CTSB: variants seen among roughly 807,000 people sequenced by gnomAD.
The protein encoded by CTSB is APP secretase.
A neutral mutation model predicts 44.3 loss-of-function variants in CTSB; 57 were observed. That is an observed-to-expected ratio of 1.29 (90% CI 1.04 to 1.60). CTSB has a LOEUF of 1.60. CTSB is among the 40% of genes most tolerant of loss of function. CTSB has a pLI of 0.00. For synonymous variants in CTSB, 320 were observed against 168.0 expected (o/e 1.91, Z -7.00); for missense variants, 768 against 443.0 (o/e 1.73, Z -6.59).
chr8:11,848,996 C>A (rs765041485), intron 5 of CTSB, 50 bp downstream of exon 5: 1 of 1,384,554 alleles, frequency 7.2e-7, no homozygotes, highest in Admixed American at 1.7e-5. Context: ...GAAGCTGGGG[C>A]CCAGGGTCTC....
chr8:11,864,869 T>C (rs2150457827), intron 1 of CTSB, among the ~76,000 whole-genome samples: 1 of 150,780 alleles, frequency 6.6e-6, no homozygotes, highest in African/African-American at 2.4e-5. Flanking sequence ...GCTGAGATTG[T>C]GCCACGGCAT....
intron 4 of CTSB, chr8:11,849,393 A>G (rs1040598761): frequency 8.1e-6 from 3 of 370,666 alleles, no homozygotes; most frequent in East Asian, 1.0e-4. Context: ...TGATTTGCCC[A>G]CCTTGGCCTC....
chr8:11,859,555 G>A (rs1349419627), intron 1 of CTSB, among the ~76,000 whole-genome samples: 1 of 151,940 alleles, frequency 6.6e-6, no homozygotes, highest in East Asian at 1.9e-4. Context: ...GAGGTCAGGA[G>A]TTCGAGACCA....
chr8:11,842,744 C>T lies in CTSB; in HGVS notation c.*2381G>A, dbSNP rs1044871296. On this transcript the variant is annotated 3_prime_UTR_variant, in exon 10 of 10. Transcript: ENST00000353047. ...CTCTGCCTCCCAGGTTCAAGCGATT[C>T]TCGTACCTCAGCCTCCCGAGTAGCT... The T allele has an allele frequency of 6.6e-6, 1 of 151,782 alleles. No homozygotes were observed. The highest frequency in any genetic ancestry group is 1.5e-5 in the Non-Finnish European group (1 of 68,076). 9.4% of individuals were successfully genotyped at this position (151,782 alleles called of 1,614,324 possible).
chr8:11,856,445 A>G (rs561863090), intron 1 of CTSB, among the ~76,000 whole-genome samples: 1 of 151,844 alleles, frequency 6.6e-6, no homozygotes, highest in South Asian at 2.1e-4. Context: ...GAAACCCTGT[A>G]TCTACTAAAT....
chr8:11,852,279 G>A lies in CTSB; in HGVS notation c.212+331C>T, dbSNP rs541816328. Among the ~76,000 whole-genome samples, 3 of 152,296 alleles carry A rather than the reference G, an allele frequency of 2.0e-5. No individual in the cohort carries two copies. In the South Asian group the frequency reaches 6.2e-4, roughly 32 times the overall value. On this transcript the variant is annotated intron_variant, in intron 3 of 9. Coordinates refer to ENST00000353047, the MANE Select transcript of CTSB (RefSeq NM_001908.5). ...CCAGCTACTCAGGAGGCTGTGGCAT[G>A]AGAATCGCTTGAACCCGGGAGACAG...
intron 5 of CTSB, chr8:11,848,759 C>T (rs532610385): frequency 4.5e-5 from 15 of 335,048 alleles, no homozygotes; most frequent in South Asian, 9.2e-5. Context: ...AAGGAACATG[C>T]GATGACACAA....
intron 7 of CTSB, 132 bp downstream of exon 7, chr8:11,847,547 C>T: frequency 3.0e-6 from 3 of 998,054 alleles, no homozygotes; most frequent in Non-Finnish European, 4.3e-6. Context: ...GAGGGCATCA[C>T]TCCCCCTCCT....
At chr8:11,852,227 C>A (rs572504131) in intron 3 of CTSB, among the ~76,000 whole-genome samples, 1 of 152,060 alleles carries the variant, frequency 6.6e-6, no homozygotes, top group Non-Finnish European at 1.5e-5. Flanking sequence ...AAATATTAGC[C>A]GTGCACGGTG....
Position 11,845,063 on chromosome 8 carries a change from G to T in CTSB, c.*62C>A. On this transcript the variant is annotated 3_prime_UTR_variant, in exon 10 of 10. Transcript: ENST00000353047. ...AACTTGTATCTTACGTGAACTTAAA[G>T]AATAAAATGCATTTCTACCCCGATC... The T allele has an allele frequency of 8.9e-7, 1 of 1,122,368 alleles. No individual in the cohort carries two copies. Among genetic ancestry groups the T allele is most frequent in the Non-Finnish European group, 1.4e-6 (1 of 737,366 alleles). The allele number at this position is 1,122,368 out of a possible 1,614,324, so 69.5% of individuals were successfully genotyped here. A position where few individuals can be genotyped will look rare whatever the true frequency, so the allele number is the denominator to read the frequency against.
chr8:11,853,877 G>C (rs963301197), intron 1 of CTSB: 2 of 157,176 alleles, frequency 1.3e-5, no homozygotes, highest in African/African-American at 4.8e-5. Context: ...CCAGGGGACA[G>C]GGAAATGTAA....
Position 11,844,420 on chromosome 8 carries a change from T to A in CTSB, c.*705A>T, listed in dbSNP as rs1279710610. The A allele has an allele frequency of 6.6e-6, 1 of 152,216 alleles. No homozygotes were observed. The highest frequency in any genetic ancestry group is 1.5e-5 in the Non-Finnish European group (1 of 68,040). 9.4% of individuals were successfully genotyped at this position (152,216 alleles called of 1,614,324 possible). ...CAGTAAAAGCTGGTTTCTCCTAAACTATTTTCCTTGTGGTAGTAGAGATCA... is the reference window on the plus strand; with the variant it reads ...CAGTAAAAGCTGGTTTCTCCTAAACAATTTTCCTTGTGGTAGTAGAGATCA... On this transcript the variant is annotated 3_prime_UTR_variant, in exon 10 of 10. Transcript: ENST00000353047.
Position 11,853,405 on chromosome 8 carries a change from G to T in CTSB, c.50C>A (p.Ala17Asp). The T allele has an allele frequency of 6.2e-7, 1 of 1,612,808 alleles. No homozygotes were observed. The highest frequency in any genetic ancestry group is 8.5e-7 in the Non-Finnish European group (1 of 1,179,818). The change falls in exon 2 of 10, where the codon GCC becomes GAC. Residue 17 changes from alanine to aspartate, a missense_variant. Physicochemically the swap from Ala to Asp is moderately radical, Grantham distance 126 (BLOSUM62 -2). Coordinates refer to ENST00000353047, the MANE Select transcript of CTSB (RefSeq NM_001908.5). ...GGGATGGAAAGAGGGCCTGCTCCGGGCATTGGCCAACACCAGCAGGCAGCA... is the reference window on the plus strand; with the variant it reads ...GGGATGGAAAGAGGGCCTGCTCCGGTCATTGGCCAACACCAGCAGGCAGCA... ...SLCCLLVLANARSRPSFHPLS... is the reference protein window; with the variant it reads ...SLCCLLVLANDRSRPSFHPLS...
At chr8:11,857,865 C>G (rs1815759395) in intron 1 of CTSB, 1 of 152,616 alleles carries the variant, frequency 6.6e-6, no homozygotes, top group Middle Eastern at 3.3e-3. Context: ...CACCTTGGCC[C>G]AGGGCTGTGG....
intron 9 of CTSB, 71 bp from the exon 10 acceptor site, chr8:11,845,293 A>G (rs926739946): frequency 1.7e-6 from 2 of 1,182,264 alleles, no homozygotes; most frequent in Non-Finnish European, 1.2e-6. Context: ...TCATCCTTAA[A>G]AGACCTTAAG....
chr8:11,847,612 G>A (rs1157980843), intron 7 of CTSB, 67 bp downstream of exon 7: 2 of 1,481,776 alleles, frequency 1.3e-6, no homozygotes, highest in African/African-American at 2.8e-5. Flanking sequence ...CTTCGCTGCA[G>A]CGTGAGGAGG....
At chr8:11,866,080 C>G (rs1223242194) in intron 1 of CTSB, among the ~76,000 whole-genome samples, 1 of 151,752 alleles carries the variant, frequency 6.6e-6, no homozygotes, top group Non-Finnish European at 1.5e-5. Flanking sequence ...GACAGACATC[C>G]CAAGGCACCC....
At position 11,847,165 on chromosome 8, in the gene CTSB, T is replaced by A. The variant is rs766752431; in HGVS notation, c.680A>T (p.Tyr227Phe). ...PTYKQDKHYGYNSYSVSNSEK... is the reference protein window; with the variant it reads ...PTYKQDKHYGFNSYSVSNSEK... ...GCTATTGGAGACGCTGTAGGAATTG[T>A]ATCCTGGAAAATGAACCGAGCTCGG... is the stretch of plus-strand genomic sequence containing the variant. Residue 227 changes from tyrosine to phenylalanine, a missense_variant, in exon 8 of 10, where the codon TAC (tyrosine) becomes TTC (phenylalanine). Transcript: ENST00000353047. The A allele has an allele frequency of 6.2e-7, 1 of 1,604,242 alleles. No individual in the cohort carries two copies. The highest frequency in any genetic ancestry group is 1.3e-5 in the African/African-American group (1 of 74,616).
rs1002177785 is a variant in CTSB, at chr8:11,844,757, T to A, written c.*368A>T. The A allele has an allele frequency of 9.7e-5, 19 of 195,454 alleles. No homozygotes were observed. Among genetic ancestry groups the A allele is most frequent in the African/African-American group, 4.4e-4 (19 of 43,344 alleles). 12.1% of individuals were successfully genotyped at this position (195,454 alleles called of 1,614,324 possible). On this transcript the variant is annotated 3_prime_UTR_variant, in exon 10 of 10. Coordinates refer to ENST00000353047, the MANE Select transcript of CTSB (RefSeq NM_001908.5). ...ACTTGCTTGGAGGTACTGGGGGAAC[T>A]GATGGGGGAACTTTCATCCTGTTAG...
Sources: gnomAD v4.1 joint callset for allele counts (sites outside exome capture counted in the v4.1 genomes callset) on GRCh38, gnomAD v4.1.1 for gene constraint, MANE v1.5 for transcripts, NCBI Gene and HGNC (gene_info 2026-07-23, HGNC 2026-07-21) for gene names.